The following CSPG5 variants were observed in gnomAD, a reference collection of about 807,000 sequenced individuals.
CSPG5 encodes the protein chondroitin sulfate proteoglycan 5.
Under a neutral mutation model 39.8 loss-of-function variants are expected in CSPG5, and 25 were observed. That is an observed-to-expected ratio of 0.63 (90% confidence interval 0.46 to 0.88). The LOEUF is 0.88. Among genes scored for constraint, CSPG5 ranks in the 40% least tolerant of loss-of-function variants. The pLI is 0.00. For missense variants in CSPG5, 627 were observed against 702.2 expected, an observed-to-expected ratio of 0.89 and a Z score of 1.21; for synonymous variants, 295 against 303.9, an observed-to-expected ratio of 0.97 and a Z score of 0.31.
At position 47,572,528 on chromosome 3, in the gene CSPG5, C is replaced by A. The variant is rs2031561088; in HGVS notation, c.1382+158G>T. ...CACATTTTGTGTAGGAACAGATGAGCCTGAGTGAATTTTTAGCACAGACAA... is the reference window on the plus strand; with the variant it reads ...CACATTTTGTGTAGGAACAGATGAGACTGAGTGAATTTTTAGCACAGACAA... On this transcript the variant is annotated intron_variant, in intron 3 of 4. Coordinates refer to ENST00000264723, the MANE Select transcript of CSPG5 (RefSeq NM_006574.4). The surrounding 1 kb of genome is among the most constrained non-coding windows in gnomAD (Gnocchi z 4.5). 6.6e-6 allele frequency among the ~76,000 whole-genome samples: 1 copy of A among 152,204 alleles called. No individual in the cohort carries two copies. The highest frequency in any genetic ancestry group is 1.5e-5 in the Non-Finnish European group (1 of 68,046).
At chr3:47,565,032 A>T (rs1170531089) in intron 4 of CSPG5, among the ~76,000 whole-genome samples, 1 of 152,106 alleles carries the variant, frequency 6.6e-6, no homozygotes, top group Admixed American at 6.6e-5. Flanking sequence ...GTCTTTCAAG[A>T]TAACCTCCCA....
At chr3:47,565,146 T>C (rs2031245742) in intron 4 of CSPG5, among the ~76,000 whole-genome samples, 1 of 152,106 alleles carries the variant, frequency 6.6e-6, no homozygotes, top group African/African-American at 2.4e-5. Flanking sequence ...CAGACCCTGG[T>C]CTCAGAGCTC....
At chr3:47,568,716 C>T (rs1352395215) in intron 4 of CSPG5, among the ~76,000 whole-genome samples, 1 of 152,028 alleles carries the variant, frequency 6.6e-6, no homozygotes, top group African/African-American at 2.4e-5. Flanking sequence ...CATGAGTAAC[C>T]CTAGAAAAAG....
At chr3:47,569,895 A>G (rs2031467638) in intron 3 of CSPG5, among the ~76,000 whole-genome samples, 1 of 151,486 alleles carries the variant, frequency 6.6e-6, no homozygotes, top group African/African-American at 2.4e-5. Context: ...CTACAGGTGC[A>G]TGCCACCATG....
intron 4 of CSPG5, 35 bp downstream of exon 4, chr3:47,569,117 G>C: frequency 1.3e-6 from 2 of 1,592,698 alleles, no homozygotes; most frequent in Non-Finnish European, 1.7e-6. Context: ...GGCATGGGGG[G>C]AGGAGGTACG....
At chr3:47,566,408 G>A (rs1031303197) in intron 4 of CSPG5, among the ~76,000 whole-genome samples, 2 of 152,162 alleles carry the variant, frequency 1.3e-5, no homozygotes, top group African/African-American at 4.8e-5. Context: ...TGTGGCGGCT[G>A]TAGCAGTGAG....
intron 3 of CSPG5, among the ~76,000 whole-genome samples, chr3:47,570,182 C>G (rs1448557221): frequency 6.6e-6 from 1 of 151,930 alleles, no homozygotes; most frequent in Non-Finnish European, 1.5e-5. Context: ...CTGCACCTAT[C>G]AACCCGTCAT....
chr3:47,576,735 C>T lies in CSPG5; in HGVS notation c.1193+98G>A, dbSNP rs1232859804. ...TCAGCCTCCCAAAGTGCTGGGATTA[C>T]AGGCGTGAGCCAACGCGCCCGGCTA... is the stretch of plus-strand genomic sequence containing the variant. On this transcript the variant is annotated intron_variant, in intron 2 of 4. Transcript: ENST00000264723. 1.0e-5 allele frequency: 14 copies of T among 1,364,380 alleles called. No homozygotes were observed. In the East Asian group the frequency reaches 2.8e-4, roughly 28 times the overall value. The allele number at this position is 1,364,380 out of a possible 1,614,324, so 84.5% of individuals were successfully genotyped here.
At chr3:47,566,882 T>C (rs2031322827) in intron 4 of CSPG5, among the ~76,000 whole-genome samples, 1 of 152,140 alleles carries the variant, frequency 6.6e-6, no homozygotes, top group Non-Finnish European at 1.5e-5. Context: ...CCACTGCCTG[T>C]GGCCAACCAC....
At chr3:47,570,283 T>G (rs1180630755) in intron 3 of CSPG5, among the ~76,000 whole-genome samples, 6 of 151,438 alleles carry the variant, frequency 4.0e-5, no homozygotes, top group Non-Finnish European at 7.4e-5. Flanking sequence ...TTTTTTTTTT[T>G]TGTAAAGATG....
At chr3:47,571,572 T>C (rs1451019787) in intron 3 of CSPG5, among the ~76,000 whole-genome samples, 3 of 152,174 alleles carry the variant, frequency 2.0e-5, no homozygotes, top group Non-Finnish European at 4.4e-5. Context: ...ACAGGCACAA[T>C]GGAGAGGCCG....
chr3:47,566,178 T>C (rs570258842), intron 4 of CSPG5, among the ~76,000 whole-genome samples: 1 of 152,202 alleles, frequency 6.6e-6, no homozygotes, highest in Non-Finnish European at 1.5e-5. Flanking sequence ...GCTCAATCTA[T>C]TTTACGTATG....
At position 47,572,543 on chromosome 3, in the gene CSPG5, A is replaced by T; in HGVS notation, c.1382+143T>A. 1.4e-6 allele frequency: 1 copy of T among 716,422 alleles called. No homozygotes were observed. Among genetic ancestry groups the T allele is most frequent in the Non-Finnish European group, 2.4e-6 (1 of 419,226 alleles). The allele number at this position is 716,422 out of a possible 1,614,324, so 44.4% of individuals were successfully genotyped here. A position where few individuals can be genotyped will look rare whatever the true frequency, so the allele number is the denominator to read the frequency against. Reference sequence around the variant, plus strand: ...AACAGATGAGCCTGAGTGAATTTTTAGCACAGACAAAACAGCTGGGAATGG... The same window carrying T: ...AACAGATGAGCCTGAGTGAATTTTTTGCACAGACAAAACAGCTGGGAATGG... On this transcript the variant is annotated intron_variant, in intron 3 of 4. Coordinates refer to ENST00000264723, the MANE Select transcript of CSPG5 (RefSeq NM_006574.4). The surrounding 1 kb of genome is among the most constrained non-coding windows in gnomAD (Gnocchi z 4.5).
chr3:47,569,684 T>A (rs924832284), intron 3 of CSPG5, among the ~76,000 whole-genome samples: 1 of 151,970 alleles, frequency 6.6e-6, no homozygotes, highest in Non-Finnish European at 1.5e-5. Context: ...ATTTTAAATT[T>A]TATTGATAAG....
chr3:47,578,000 C>A lies in CSPG5; in HGVS notation c.98-72G>T, dbSNP rs983574554. On this transcript the variant is annotated intron_variant, in intron 1 of 4. Transcript: ENST00000264723. The surrounding 1 kb of genome is among the most constrained non-coding windows in gnomAD (Gnocchi z 4.7). ...GGAGCCCTGGAGCCCCGGCCCGCCC[C>A]GGTCAGGCCCGCTCGCCTAGACCTG... The A allele has an allele frequency of 9.8e-5, 133 of 1,358,496 alleles. No individual in the cohort carries two copies. Among genetic ancestry groups the A allele is most frequent in the Non-Finnish European group, 1.1e-4 (119 of 1,064,002 alleles). The allele number at this position is 1,358,496 out of a possible 1,614,324, so 84.2% of individuals were successfully genotyped here. A position where few individuals can be genotyped will look rare whatever the true frequency, so the allele number is the denominator to read the frequency against.
chr3:47,572,456 G>T lies in CSPG5; in HGVS notation c.1382+230C>A, dbSNP rs1273844201. On this transcript the variant is annotated intron_variant, in intron 3 of 4. Transcript: ENST00000264723. This position sits in a 1 kb window ranked among gnomAD's most constrained non-coding sequence, Gnocchi z 4.5. Reference sequence around the variant, plus strand: ...GTGCAGGGTTTTGGGAAAGCTGCTGGACAGTGGCAGTGTGCCACAGGGGCT... The same window carrying T: ...GTGCAGGGTTTTGGGAAAGCTGCTGTACAGTGGCAGTGTGCCACAGGGGCT... Among the ~76,000 whole-genome samples the T allele has an allele frequency of 6.6e-6, 1 of 152,210 alleles. No individual in the cohort carries two copies. The highest frequency in any genetic ancestry group is 2.4e-5 in the African/African-American group (1 of 41,434).
chr3:47,564,997 T>C (rs2031238612), intron 4 of CSPG5, among the ~76,000 whole-genome samples: 1 of 152,128 alleles, frequency 6.6e-6, no homozygotes, highest in African/African-American at 2.4e-5. Context: ...ACCTCTCCTC[T>C]TACAAGGATA....
chr3:47,562,762 C>T lies in CSPG5; in HGVS notation c.1459-1G>A. The T allele has an allele frequency of 6.2e-7, 1 of 1,609,220 alleles. No homozygotes were observed. On this transcript the variant is annotated splice_acceptor_variant, in intron 4 of 4. Coordinates refer to ENST00000264723, the MANE Select transcript of CSPG5 (RefSeq NM_006574.4). LOFTEE classifies it high-confidence loss of function. Reference sequence around the variant, plus strand: ...TTTTGTGGGGAGCACTAGGATCATCCTGGAAGAGGGAAAAAGTTGGGGGGG... The same window carrying T: ...TTTTGTGGGGAGCACTAGGATCATCTTGGAAGAGGGAAAAAGTTGGGGGGG...
Position 47,577,462 on chromosome 3 carries a change from C to T in CSPG5, c.564G>A (p.Gly188=), listed in dbSNP as rs779420075. ...CCTGAAATGGGTAAGTCAGCTCTGG[C>T]CCTTGAGGGTCGGGTGTGCTGCCCC... The part of the protein sequence containing the change: ...NLGGSTPDPQ[G]PELTYPFQGT... The change falls in exon 2 of 5, where the codon GGG becomes GGA. Residue 188 remains glycine, a synonymous_variant. Coordinates refer to ENST00000264723, the MANE Select transcript of CSPG5 (RefSeq NM_006574.4). The surrounding 1 kb of genome is among the most constrained non-coding windows in gnomAD (Gnocchi z 4.7). 1.2e-6 allele frequency: 2 copies of T among 1,614,030 alleles called. No homozygotes were observed. Among genetic ancestry groups the T allele is most frequent in the Non-Finnish European group, 1.7e-6 (2 of 1,180,010 alleles).
Sources: allele counts gnomAD v4.1 joint callset (sites outside exome capture counted in the v4.1 genomes callset), GRCh38; gene constraint gnomAD v4.1.1; non-coding constraint Gnocchi (gnomAD v3.1); transcripts MANE v1.5; gene names NCBI Gene and HGNC (gene_info 2026-07-23, HGNC 2026-07-21).